FYB2: variants seen among roughly 807,000 people sequenced by gnomAD.
FYB2 encodes the protein FYN-binding protein 2.
In FYB2, 103 loss-of-function variants were observed where a neutral mutation model predicts 94.1. The observed-to-expected ratio is 1.09, with a 90% confidence interval of 0.93 to 1.29. The LOEUF (loss-of-function observed/expected upper bound fraction) is 1.29, where lower values mean the gene tolerates loss of function less well. Ranked by LOEUF, FYB2 falls within the 50% of genes most tolerant of loss-of-function variation. FYB2 has a pLI of 0.00. For synonymous variants in FYB2, 293 were observed against 287.9 expected (o/e 1.02, Z -0.18); for missense variants, 896 against 841.5 (o/e 1.06, Z -0.80).
chr1:56,724,247 G>A (rs911615411), intron 16 of FYB2, among the ~76,000 whole-genome samples: 1 of 151,920 alleles, frequency 6.6e-6, no homozygotes, highest in African/African-American at 2.4e-5. Context: ...TGTTTTGGAG[G>A]ATGAATACCA....
At chr1:56,783,839 C>T (rs986587613) in intron 4 of FYB2, among the ~76,000 whole-genome samples, 29 of 152,110 alleles carry the variant, frequency 1.9e-4, no homozygotes, top group African/African-American at 6.5e-4. Context: ...AAATATAAGG[C>T]TCTCAAGGTG....
intron 1 of FYB2, among the ~76,000 whole-genome samples, chr1:56,798,419 A>G (rs924035330): frequency 2.6e-5 from 4 of 152,210 alleles, no homozygotes; most frequent in Admixed American, 2.6e-4. Context: ...GAAGGGGTTT[A>G]TCTCTTTGAT....
chr1:56,729,668 C>G (rs857134), intron 15 of FYB2, among the ~76,000 whole-genome samples: 22,505 of 152,072 alleles, frequency 0.15, 1,738 homozygotes, highest in East Asian at 0.26. Flanking sequence ...ATGGACTTAA[C>G]AGACATCTAC....
intron 1 of FYB2, among the ~76,000 whole-genome samples, chr1:56,814,335 T>C (rs550308125): frequency 1.3e-5 from 2 of 152,288 alleles, no homozygotes; most frequent in Admixed American, 6.5e-5. Flanking sequence ...GGCAGTAGAC[T>C]GACATGATCA....
At position 56,792,687 on chromosome 1, in the gene FYB2, G is replaced by A. The variant is rs779818409; in HGVS notation, c.126C>T (p.Gly42=). 3.0e-5 allele frequency: 48 copies of A among 1,613,978 alleles called. 1 individual carries two copies. Among genetic ancestry groups the A allele is most frequent in the Non-Finnish European group, 3.9e-5 (46 of 1,180,010 alleles). The stretch of plus-strand genomic sequence containing the variant: ...TGGCCAAAATTTGAGTTGACTGTGT[G>A]CCTCCAATGTCACCCTTTGGAGAAA... ...AGVSPKGDIG[G]TQSTQILANG... is the part of the protein sequence containing the mutation. Residue 42 remains glycine (G), a synonymous_variant, in exon 2 of 20, where the codon GGC becomes GGT. Coordinates refer to ENST00000343433, the MANE Select transcript of FYB2 (RefSeq NM_001004303.5).
intron 13 of FYB2, 80 bp downstream of exon 13, chr1:56,740,617 T>G: frequency 2.5e-5 from 20 of 811,212 alleles, no homozygotes; most frequent in Non-Finnish European, 3.3e-5. Context: ...TCACTGTTTC[T>G]GAGATTGGAT....
At chr1:56,819,043 G>A (rs1646951514) in intron 1 of FYB2, among the ~76,000 whole-genome samples, 1 of 152,178 alleles carries the variant, frequency 6.6e-6, no homozygotes, top group Non-Finnish European at 1.5e-5. Context: ...TCATTCCTCA[G>A]CACCTCCTGT....
At chr1:56,801,010 G>A (rs1247543324) in intron 1 of FYB2, among the ~76,000 whole-genome samples, 1 of 152,048 alleles carries the variant, frequency 6.6e-6, no homozygotes, top group Non-Finnish European at 1.5e-5. Flanking sequence ...AAACGAAGCT[G>A]GTCTGTTAAC....
Position 56,779,536 on chromosome 1 carries a change from G to A in FYB2, c.953+7639C>T, listed in dbSNP as rs570372371. Among the ~76,000 whole-genome samples the A allele has an allele frequency of 5.9e-5, 9 of 152,248 alleles. No individual in the cohort carries two copies. The South Asian group carries it at 1.9e-3, about 32-fold the overall frequency. ...TCCTAATTAGTTAGCTTTAATATTC[G>A]AGGGATATAATATTGGACATGCAAA... On this transcript the variant is annotated intron_variant, in intron 4 of 19. Coordinates refer to ENST00000343433, the MANE Select transcript of FYB2 (RefSeq NM_001004303.5).
chr1:56,776,313 T>C (rs1291195239), intron 4 of FYB2, among the ~76,000 whole-genome samples: 1 of 152,190 alleles, frequency 6.6e-6, no homozygotes, highest in African/African-American at 2.4e-5. Flanking sequence ...GGAAGTTCTT[T>C]TTCTTGTCTT....
At chr1:56,723,449 T>C in intron 17 of FYB2, 139 bp downstream of exon 17, 1 of 512,542 alleles carries the variant, frequency 2.0e-6, no homozygotes, top group South Asian at 3.0e-5. Flanking sequence ...AAAATAGGAA[T>C]GAAATGCTGG....
chr1:56,785,655 G>T (rs115636737), intron 4 of FYB2, among the ~76,000 whole-genome samples: 5 of 152,176 alleles, frequency 3.3e-5, no homozygotes, highest in Non-Finnish European at 5.9e-5. Context: ...CTATAATCCC[G>T]TTTCTATACC....
rs2101134403 is a variant in FYB2 at position 56,819,345 on chromosome 1, C to T, written c.-55G>A. On this transcript the variant is annotated 5_prime_UTR_variant, in exon 1 of 20. Coordinates refer to ENST00000343433, the MANE Select transcript of FYB2 (RefSeq NM_001004303.5). ...CAAGCCCAGCCTCTCAGAGCTGGGT[C>T]CTGGGGCCAACAATCCGCTTTCCTC... The T allele has an allele frequency of 6.2e-7, 1 of 1,611,290 alleles. No individual in the cohort carries two copies. The highest frequency in any genetic ancestry group is 1.1e-5 in the South Asian group (1 of 91,016).
At chr1:56,748,532 G>A in intron 9 of FYB2, among the ~76,000 whole-genome samples, 1 of 151,846 alleles carries the variant, frequency 6.6e-6, no homozygotes, top group Non-Finnish European at 1.5e-5. Context: ...GTTTTTGTCA[G>A]GTTTGTCAAA....
chr1:56,808,133 T>C (rs1646687104), intron 1 of FYB2, among the ~76,000 whole-genome samples: 1 of 152,156 alleles, frequency 6.6e-6, no homozygotes, highest in African/African-American at 2.4e-5. Context: ...TTTCATACAT[T>C]ATTTTGTTTA....
intron 4 of FYB2, among the ~76,000 whole-genome samples, chr1:56,771,302 G>C (rs1645748665): frequency 6.6e-6 from 1 of 151,980 alleles, no homozygotes; most frequent in Non-Finnish European, 1.5e-5. Context: ...ATGAACAAAT[G>C]ACATATACAT....
At chr1:56,796,991 G>T (rs1236627269) in intron 1 of FYB2, among the ~76,000 whole-genome samples, 2 of 152,128 alleles carry the variant, frequency 1.3e-5, no homozygotes, top group African/African-American at 2.4e-5. Context: ...ACACAAATTG[G>T]TTGTTTTAAC....
chr1:56,775,136 G>A (rs767413998), intron 4 of FYB2, among the ~76,000 whole-genome samples: 42 of 152,152 alleles, frequency 2.8e-4, no homozygotes, highest in Admixed American at 1.6e-3. Context: ...ATAATCTCTC[G>A]TTTATATATA....
intron 4 of FYB2, among the ~76,000 whole-genome samples, chr1:56,780,012 G>T (rs776872003): frequency 1.6e-4 from 25 of 151,886 alleles, no homozygotes; most frequent in Non-Finnish European, 3.5e-4. Context: ...TAATAATATT[G>T]CCATTTTATA....
Sources: allele counts gnomAD v4.1 joint callset (sites outside exome capture counted in the v4.1 genomes callset), GRCh38; gene constraint gnomAD v4.1.1; transcripts MANE v1.5; gene names NCBI Gene and HGNC (gene_info 2026-07-23, HGNC 2026-07-21).